The following FBLN2 variants were observed in gnomAD, a reference collection of about 807,000 sequenced individuals.
FBLN2 encodes fibulin 2, also known as fibulin-2.
Under a neutral mutation model 123.7 loss-of-function variants are expected in FBLN2, and 81 were observed. The ratio of observed to expected loss-of-function variants is 0.65; its 90% confidence interval spans 0.55 to 0.79. The LOEUF (loss-of-function observed/expected upper bound fraction) is 0.79. Among genes scored for constraint, FBLN2 ranks in the 30% least tolerant of loss-of-function variants. FBLN2 has a pLI of 0.00. For synonymous variants in FBLN2, 699 were observed against 701.4 expected (o/e 1.00, Z 0.05); for missense variants, 1,603 against 1,681.3 (o/e 0.95, Z 0.81).
At chr3:13,598,483 A>G (rs1704919732) in intron 2 of FBLN2, among the ~76,000 whole-genome samples, 1 of 152,190 alleles carries the variant, frequency 6.6e-6, no homozygotes, top group Non-Finnish European at 1.5e-5. Flanking sequence ...GAAGTGGTGT[A>G]AGGGGAGGTG....
intron 2 of FBLN2, among the ~76,000 whole-genome samples, chr3:13,577,919 T>G (rs573187942): frequency 6.6e-6 from 1 of 152,210 alleles, no homozygotes; most frequent in Non-Finnish European, 1.5e-5. Context: ...TCCCATTTCA[T>G]GGAAGAGAAA....
chr3:13,589,319 C>T (rs3773281), intron 2 of FBLN2, among the ~76,000 whole-genome samples: 10,033 of 152,226 alleles, frequency 0.066, 384 homozygotes, highest in East Asian at 0.14. Context: ...CCTCTGACTG[C>T]GAACATACCA....
At chr3:13,590,452 A>G (rs1258964957) in intron 2 of FBLN2, among the ~76,000 whole-genome samples, 7 of 152,168 alleles carry the variant, frequency 4.6e-5, no homozygotes, top group African/African-American at 1.7e-4. Context: ...CAGCCTCCCA[A>G]GTAGCTGGGA....
At chr3:13,623,551 G>A (rs372556231) in intron 9 of FBLN2, among the ~76,000 whole-genome samples, 17 of 152,004 alleles carry the variant, frequency 1.1e-4, no homozygotes, top group Non-Finnish European at 2.1e-4. Flanking sequence ...CGTTCTTTCC[G>A]TCATTTGTAC....
chr3:13,578,358 C>G (rs952845812), intron 2 of FBLN2, among the ~76,000 whole-genome samples: 2 of 152,166 alleles, frequency 1.3e-5, no homozygotes, highest in African/African-American at 2.4e-5. Flanking sequence ...TTTCCATTCC[C>G]TCTTTCTCCC....
rs115426944 is a variant in FBLN2, at chr3:13,621,865, C to T, written c.2246C>T (p.Thr749Ile). The T allele has an allele frequency of 1.1e-3, 1,816 of 1,614,008 alleles. 2 individuals are homozygous for T. The highest frequency in any genetic ancestry group is 1.4e-3 in the Non-Finnish European group (1,656 of 1,179,880). The stretch of plus-strand genomic sequence containing the variant: ...GGATCCTTCTACTGTGTCAACCACA[C>T]AGTGCTCTGTGCCGATGGCTATATC... ...TLGSFYCVNH[T>I]VLCADGYILN... is the part of the protein sequence containing the mutation. Residue 749 changes from threonine (T) to isoleucine (I), a missense_variant, in exon 9 of 18, where the codon ACA becomes ATA. By Grantham distance (89) the Thr-to-Ile change is moderately conservative. Coordinates refer to ENST00000404922, the MANE Select transcript of FBLN2 (RefSeq NM_001004019.2).
chr3:13,592,536 T>C (rs993144212), intron 2 of FBLN2, among the ~76,000 whole-genome samples: 2 of 152,248 alleles, frequency 1.3e-5, no homozygotes, highest in Non-Finnish European at 2.9e-5. Flanking sequence ...GCTGCTAGCA[T>C]CTCAATTGGT....
At chr3:13,612,026 A>C (rs1036760110) in intron 4 of FBLN2, among the ~76,000 whole-genome samples, 1 of 152,148 alleles carries the variant, frequency 6.6e-6, no homozygotes, top group African/African-American at 2.4e-5. Flanking sequence ...GGAGCGGGAG[A>C]GGGAATTGAA....
chr3:13,607,520 T>C (rs1275519244), intron 2 of FBLN2, among the ~76,000 whole-genome samples: 1 of 152,132 alleles, frequency 6.6e-6, no homozygotes, highest in Non-Finnish European at 1.5e-5. Flanking sequence ...GTCAAGTGTG[T>C]ATTCAACATA....
intron 11 of FBLN2, 130 bp from the exon 12 acceptor site, chr3:13,628,775 T>G (rs770251563): frequency 3.0e-4 from 323 of 1,077,626 alleles, no homozygotes; most frequent in Non-Finnish European, 3.9e-4. Flanking sequence ...TAGGACAGTC[T>G]GGCCCTGCAA....
At chr3:13,629,734 C>G in intron 13 of FBLN2, 86 bp from the exon 14 acceptor site, 2 of 1,487,520 alleles carry the variant, frequency 1.3e-6, no homozygotes. Flanking sequence ...CACTTAGCCT[C>G]CCCTTCGGCC....
Position 13,636,571 on chromosome 3 carries a change from G to A in FBLN2, c.3338+3G>A. On this transcript the variant is annotated splice_donor_region_variant and intron_variant, in intron 17 of 17. Coordinates refer to ENST00000404922, the MANE Select transcript of FBLN2 (RefSeq NM_001004019.2). ...AACTATGTCCAAGTCTCCAAAACGT[G>A]AGTGTCCCCACCCCAGTCCCAGTCC... is the stretch of plus-strand genomic sequence containing the variant. The A allele has an allele frequency of 1.9e-6, 3 of 1,612,852 alleles. No homozygotes were observed. The highest frequency in any genetic ancestry group is 2.5e-6 in the Non-Finnish European group (3 of 1,179,416).
In FBLN2 at chr3:13,636,534, G is replaced by A. The variant is rs562325632; in HGVS notation, c.3304G>A (p.Glu1102Lys). ...IQGSFRCLRFECPPNYVQVSK... is the reference protein window; with the variant it reads ...IQGSFRCLRFKCPPNYVQVSK... ...GGGTAGCTTCCGCTGCCTGCGCTTC[G>A]AGTGTCCTCCCAACTATGTCCAAGT... is the stretch of plus-strand genomic sequence containing the variant. Residue 1102 changes from glutamate (E) to lysine (K), a missense_variant, in exon 17 of 18, where the codon GAG (glutamate) becomes AAG (lysine). Glu to Lys is a moderately conservative substitution (Grantham distance 56). Transcript: ENST00000404922. The A allele has an allele frequency of 4.7e-5, 76 of 1,613,580 alleles. No homozygotes were observed. Among genetic ancestry groups the A allele is most frequent in the Non-Finnish European group, 5.8e-5 (68 of 1,179,746 alleles).
At chr3:13,623,922 T>A (rs1341590600) in intron 9 of FBLN2, among the ~76,000 whole-genome samples, 1 of 152,214 alleles carries the variant, frequency 6.6e-6, no homozygotes. Flanking sequence ...GGTAGTAAGC[T>A]CCCCATCACT....
intron 9 of FBLN2, among the ~76,000 whole-genome samples, chr3:13,624,485 A>C (rs1051424776): frequency 1.3e-5 from 2 of 152,224 alleles, no homozygotes; most frequent in Non-Finnish European, 2.9e-5. Context: ...CCACTGGCCC[A>C]GAACTTTCCC....
chr3:13,571,888 G>A (rs1008331876), intron 2 of FBLN2, among the ~76,000 whole-genome samples: 2 of 152,248 alleles, frequency 1.3e-5, no homozygotes, highest in South Asian at 4.1e-4. Flanking sequence ...GGTTCCTGTT[G>A]TGGGAGGTGC....
chr3:13,591,790 C>T (rs1434607407), intron 2 of FBLN2, among the ~76,000 whole-genome samples: 3 of 152,040 alleles, frequency 2.0e-5, no homozygotes, highest in African/African-American at 4.8e-5. Flanking sequence ...CTGTAATATC[C>T]TAGATGTTTT....
chr3:13,627,363 C>T (rs1013614962), intron 10 of FBLN2, among the ~76,000 whole-genome samples: 3 of 152,140 alleles, frequency 2.0e-5, no homozygotes, highest in Admixed American at 1.3e-4. Context: ...GAACACATGA[C>T]CTTACCTTAG....
chr3:13,634,522 C>G (rs1706384647), intron 16 of FBLN2, among the ~76,000 whole-genome samples: 1 of 152,274 alleles, frequency 6.6e-6, no homozygotes, highest in Non-Finnish European at 1.5e-5. Flanking sequence ...ACATAAGCTC[C>G]AGGGTCACTG....
Sources: gnomAD v4.1 joint callset for allele counts (sites outside exome capture counted in the v4.1 genomes callset) on GRCh38, gnomAD v4.1.1 for gene constraint, MANE v1.5 for transcripts, NCBI Gene and HGNC (gene_info 2026-07-23, HGNC 2026-07-21) for gene names.